Variants in DNAH12 observed in about 807,000 individuals in gnomAD.
The protein encoded by DNAH12 is axonemal beta dynein heavy chain 12.
DNAH12 carries 285 observed loss-of-function variants against 371.5 expected under a neutral mutation model. The observed-to-expected ratio is 0.77, with a 90% CI of 0.70 to 0.85. The LOEUF is 0.85. Among genes scored for constraint, DNAH12 ranks in the 40% least tolerant of loss-of-function variants. The probability of loss-of-function intolerance (pLI) is 0.00; values close to 1 mark genes in which losing one functional copy is unlikely to be tolerated. For missense variants in DNAH12, 3,611 were observed against 3,689.4 expected (o/e 0.98, Z 0.55); for synonymous variants, 1,200 against 1,213.0 (o/e 0.99, Z 0.22).
In DNAH12 at chr3:57,519,254, C is replaced by T. The variant is rs552968990; in HGVS notation, c.279+4329G>A. Reference sequence around the variant, plus strand: ...TTGGGAGGAGGGGGTTTAAACTGCACTTTATTTGTTACCATAACATTCTTT... The same window carrying T: ...TTGGGAGGAGGGGGTTTAAACTGCATTTTATTTGTTACCATAACATTCTTT... On this transcript the variant is annotated intron_variant, in intron 4 of 73. Transcript: ENST00000495027. 3.3e-5 allele frequency among the ~76,000 whole-genome samples: 5 copies of T among 152,238 alleles called. No individual in the cohort carries two copies. In the South Asian group the frequency reaches 1.0e-3, roughly 32 times the overall value.
intron 8 of DNAH12, among the ~76,000 whole-genome samples, chr3:57,506,562 C>G (rs2067766320): frequency 6.6e-6 from 1 of 152,148 alleles, no homozygotes; most frequent in South Asian, 2.1e-4. Context: ...GTGCCTCAGC[C>G]TCCTGAGTGG....
intron 2 of DNAH12, among the ~76,000 whole-genome samples, chr3:57,532,369 T>C (rs1216403675): frequency 2.0e-5 from 3 of 152,188 alleles, no homozygotes; most frequent in Non-Finnish European, 4.4e-5. Flanking sequence ...GGTGAGGTCA[T>C]GTTTTTCTGG....
chr3:57,510,897 C>CT lies in DNAH12; in HGVS notation c.361dup (p.Arg121LysfsTer5). Reference sequence around the variant, plus strand: ...TTCCTTTAAAGACTCAGGTATCAGCCTTAACATGTGATCCAGCCATTCCTG... The same window carrying CT: ...TTCCTTTAAAGACTCAGGTATCAGCCTTTAACATGTGATCCAGCCATTCCTG... On this transcript the variant is annotated frameshift_variant, in exon 5 of 74. Transcript: ENST00000495027. LOFTEE classifies it high-confidence loss of function. 6.2e-7 allele frequency: 1 copy of CT among 1,614,002 alleles called. No individual in the cohort carries two copies.
chr3:57,497,430 C>T (rs763319727), intron 11 of DNAH12, among the ~76,000 whole-genome samples: 30 of 152,144 alleles, frequency 2.0e-4, no homozygotes, highest in Admixed American at 5.9e-4. Flanking sequence ...CAGAAATAGA[C>T]CCACAGATAT....
intron 62 of DNAH12, among the ~76,000 whole-genome samples, chr3:57,325,717 C>T (rs12491533): frequency 0.32 from 48,928 of 152,000 alleles, 8,725 homozygotes; most frequent in African/African-American, 0.46. Flanking sequence ...CAAAGCTGGA[C>T]GGAGAGTGAC....
intron 67 of DNAH12, among the ~76,000 whole-genome samples, chr3:57,310,097 T>A (rs925272750): frequency 5.9e-5 from 9 of 152,200 alleles, no homozygotes; most frequent in African/African-American, 1.9e-4. Flanking sequence ...ATGAAGAGAA[T>A]GACCCTTCTC....
chr3:57,350,724 G>A (rs2062652772), intron 60 of DNAH12, among the ~76,000 whole-genome samples: 1 of 152,192 alleles, frequency 6.6e-6, no homozygotes, highest in Non-Finnish European at 1.5e-5. Context: ...ACTAGAGAGT[G>A]AGTGCCAATT....
chr3:57,530,690 C>G, intron 2 of DNAH12: 1 of 427,804 alleles, frequency 2.3e-6, no homozygotes, highest in South Asian at 3.1e-5. Flanking sequence ...TCAATAGCAT[C>G]TTGGTACGGA....
In DNAH12 at chr3:57,503,195, G is replaced by A. The variant is rs371299916; in HGVS notation, c.1087-716C>T. Reference sequence around the variant, plus strand: ...TTGAGCCCAGGAGTTCGAGGCAGCAGTGTGCTATGATCATGTCTGTGAATA... The same window carrying A: ...TTGAGCCCAGGAGTTCGAGGCAGCAATGTGCTATGATCATGTCTGTGAATA... On this transcript the variant is annotated intron_variant, in intron 9 of 73. Transcript: ENST00000495027. 5.9e-5 allele frequency among the ~76,000 whole-genome samples: 9 copies of A among 152,294 alleles called. No individual in the cohort carries two copies. In the East Asian group the frequency reaches 9.7e-4, roughly 16 times the overall value.
intron 25 of DNAH12, among the ~76,000 whole-genome samples, chr3:57,448,337 C>T (rs1051640992): frequency 5.9e-5 from 9 of 151,668 alleles, no homozygotes; most frequent in Non-Finnish European, 1.0e-4. Flanking sequence ...TAAGGCAGCA[C>T]GTCTGGACTT....
chr3:57,527,703 T>G (rs2068697682), intron 2 of DNAH12, among the ~76,000 whole-genome samples: 1 of 152,190 alleles, frequency 6.6e-6, no homozygotes, highest in Non-Finnish European at 1.5e-5. Flanking sequence ...GGAATACAAT[T>G]CAACATGAGA....
chr3:57,520,061 CT>C, intron 4 of DNAH12: 4 of 537,034 alleles, frequency 7.4e-6, no homozygotes, highest in Non-Finnish European at 1.3e-5. Flanking sequence ...AAGCCGGAGG[CT>C]GTGGCGGCTC....
At position 57,404,970 on chromosome 3, in the gene DNAH12, TA is replaced by T; in HGVS notation, c.6753del (p.Phe2251LeufsTer15). On this transcript the variant is annotated frameshift_variant and splice_region_variant, in exon 42 of 74. Coordinates refer to ENST00000495027, the MANE Select transcript of DNAH12 (RefSeq NM_001366028.2). LOFTEE classifies it high-confidence loss of function. ...AGCATCAACACCATATATAGGTACC[TA>T]AAAATGACAAGATTCATTCTTGTTT... ...THKTRMNLVI[F>X]RYVLEHLSRI... 6.6e-7 allele frequency: 1 copy of T among 1,511,262 alleles called. No individual in the cohort carries two copies. The highest frequency in any genetic ancestry group is 2.5e-5 in the Admixed American group (1 of 40,016). The allele number at this position is 1,511,262 out of a possible 1,614,324, so 93.6% of individuals were successfully genotyped here.
At position 57,531,767 on chromosome 3, in the gene DNAH12, C is replaced by CAAAAA. The variant is rs35142998; in HGVS notation, c.171-7888_171-7884dup. On this transcript the variant is annotated intron_variant, in intron 2 of 73. Transcript: ENST00000495027. Reference sequence around the variant, plus strand: ...GACAGAGCAAGACTCCACTCCATCTCAAAAAAAAAAAAAAAAAAAAAAAAG... The same window carrying CAAAAA: ...GACAGAGCAAGACTCCACTCCATCTCAAAAAAAAAAAAAAAAAAAAAAAAAAAAAG... 5.1e-3 allele frequency among the ~76,000 whole-genome samples: 254 copies of CAAAAA among 50,242 alleles called. 5 individuals carry two copies. Among genetic ancestry groups the CAAAAA allele is most frequent in the African/African-American group, 0.013 (189 of 14,114 alleles). The allele number at this position is 50,242 out of a possible 152,430, so 33.0% of individuals were successfully genotyped here.
intron 55 of DNAH12, among the ~76,000 whole-genome samples, chr3:57,374,029 T>C (rs1035872128): frequency 2.0e-5 from 3 of 152,192 alleles, no homozygotes; most frequent in African/African-American, 7.2e-5. Flanking sequence ...CTTTAATTTA[T>C]CTCATCTAAA....
At chr3:57,514,131 C>T (rs1048856856) in intron 4 of DNAH12, among the ~76,000 whole-genome samples, 11 of 152,098 alleles carry the variant, frequency 7.2e-5, no homozygotes, top group East Asian at 1.9e-4. Flanking sequence ...CAGTGGCTCA[C>T]GCCTGTAATC....
chr3:57,446,100 C>T lies in DNAH12; in HGVS notation c.4110G>A (p.Pro1370=), dbSNP rs1192400703. The T allele has an allele frequency of 3.9e-6, 6 of 1,551,528 alleles. No homozygotes were observed. Among genetic ancestry groups the T allele is most frequent in the African/African-American group, 1.4e-5 (1 of 73,022 alleles). The change falls in exon 27 of 74, where the codon CCG becomes CCA. Residue 1370 remains proline (P), a synonymous_variant. Transcript: ENST00000495027. Reference sequence around the variant, plus strand: ...TCATGGTAATAGCTACAAAACAATTCGGATTGAGCTTAAGTTCTGTCCCTT... The same window carrying T: ...TCATGGTAATAGCTACAAAACAATTTGGATTGAGCTTAAGTTCTGTCCCTT... ...VFEGTELKLN[P]NCFVAITMNP...
chr3:57,406,511 C>T (rs1553681324), intron 40 of DNAH12, among the ~76,000 whole-genome samples: 2 of 152,164 alleles, frequency 1.3e-5, no homozygotes, highest in African/African-American at 4.8e-5. Flanking sequence ...CCAAGCCCAG[C>T]CCATCCAAGT....
At chr3:57,465,379 T>C (rs922265764) in intron 17 of DNAH12, among the ~76,000 whole-genome samples, 6 of 152,152 alleles carry the variant, frequency 3.9e-5, no homozygotes, top group Admixed American at 2.6e-4. Context: ...AAAAACTCTT[T>C]CAGAAATAGA....
Sources: allele counts gnomAD v4.1 joint callset (sites outside exome capture counted in the v4.1 genomes callset), GRCh38; gene constraint gnomAD v4.1.1; transcripts MANE v1.5; gene names NCBI Gene and HGNC (gene_info 2026-07-23, HGNC 2026-07-21).